PDE11A: variants seen among roughly 807,000 people sequenced by gnomAD.
PDE11A encodes dual 3',5'-cyclic-AMP and -GMP phosphodiesterase 11A.
A neutral mutation model predicts 100.5 loss-of-function variants in PDE11A; 100 were observed. That is an observed-to-expected ratio of 1.00 (90% CI 0.85 to 1.18). The LOEUF is 1.18. Ranked by LOEUF, PDE11A falls within the 50% of genes most tolerant of loss-of-function variation. PDE11A has a pLI of 0.00. For missense variants in PDE11A, 1,141 were observed against 1,152.6 expected, an observed-to-expected ratio of 0.99 and a Z score of 0.15; for synonymous variants, 381 against 420.8, an observed-to-expected ratio of 0.91 and a Z score of 1.16.
intron 2 of PDE11A, among the ~76,000 whole-genome samples, chr2:177,951,086 A>G (rs576192343): frequency 4.0e-4 from 61 of 152,380 alleles, no homozygotes; most frequent in Non-Finnish European, 6.6e-4. Flanking sequence ...CCTGTTGTGA[A>G]TCTTTTATGT....
At chr2:178,007,501 A>T (rs7588973) in intron 2 of PDE11A, among the ~76,000 whole-genome samples, 1 of 151,972 alleles carries the variant, frequency 6.6e-6, no homozygotes, top group Non-Finnish European at 1.5e-5. Flanking sequence ...CCTGGGTAAC[A>T]GCTTTTAAAA....
At chr2:177,676,560 G>A (rs1423680813) in intron 16 of PDE11A, among the ~76,000 whole-genome samples, 5 of 152,062 alleles carry the variant, frequency 3.3e-5, no homozygotes, top group Non-Finnish European at 5.9e-5. Context: ...CCCCTCCAGG[G>A]AACAAGGCAG....
At chr2:177,780,583 T>C (rs558222353) in intron 9 of PDE11A, among the ~76,000 whole-genome samples, 15 of 152,342 alleles carry the variant, frequency 9.8e-5, no homozygotes, top group African/African-American at 3.4e-4. Context: ...TTTGTCTGCA[T>C]TGAAAATCTG....
intron 12 of PDE11A, among the ~76,000 whole-genome samples, chr2:177,724,780 A>T (rs2081576085): frequency 6.6e-6 from 1 of 151,390 alleles, no homozygotes; most frequent in Non-Finnish European, 1.5e-5. Context: ...AGAAGAAAAG[A>T]AGCACTTTCA....
chr2:177,634,683 C>T (rs955998606), intron 19 of PDE11A, among the ~76,000 whole-genome samples: 1 of 152,114 alleles, frequency 6.6e-6, no homozygotes, highest in African/African-American at 2.4e-5. Flanking sequence ...CCACCGCGCC[C>T]GGCCGACTTA....
At chr2:177,770,311 C>T (rs1410317233) in intron 9 of PDE11A, among the ~76,000 whole-genome samples, 1 of 152,198 alleles carries the variant, frequency 6.6e-6, no homozygotes, top group African/African-American at 2.4e-5. Context: ...TCAGTCTGAG[C>T]CCCCAAATAA....
intron 3 of PDE11A, among the ~76,000 whole-genome samples, chr2:177,900,342 A>G (rs1387781324): frequency 1.3e-5 from 2 of 152,258 alleles, no homozygotes; most frequent in Admixed American, 1.3e-4. Context: ...ACATCTATTC[A>G]TCATGGTGCT....
At chr2:177,896,915 G>A (rs1451657632) in intron 4 of PDE11A, among the ~76,000 whole-genome samples, 3 of 152,112 alleles carry the variant, frequency 2.0e-5, no homozygotes, top group African/African-American at 2.4e-5. Context: ...TGTGTAAACC[G>A]CACTGACTGA....
At chr2:177,965,036 AT>A (rs2085681570) in intron 2 of PDE11A, among the ~76,000 whole-genome samples, 1 of 152,050 alleles carries the variant, frequency 6.6e-6, no homozygotes, top group Non-Finnish European at 1.5e-5. Flanking sequence ...AGCATCTGTT[AT>A]TTTTTGATGT....
chr2:177,852,703 G>A (rs917047894), intron 5 of PDE11A, among the ~76,000 whole-genome samples: 1 of 152,116 alleles, frequency 6.6e-6, no homozygotes, highest in African/African-American at 2.4e-5. Context: ...GAAGGTTATT[G>A]AACAAGTCTT....
rs2084386346 is a variant in PDE11A at position 177,883,885 on chromosome 2, A to C, written c.1303-7962T>G. Among the ~76,000 whole-genome samples the C allele has an allele frequency of 3.9e-5, 6 of 152,164 alleles. No homozygotes were observed. In the South Asian group the frequency reaches 1.2e-3, roughly 32 times the overall value. On this transcript the variant is annotated intron_variant, in intron 4 of 19. Transcript: ENST00000286063. ...AGGTGATTTTGATATCCATGTGAAG[A>C]GAAGCCATGGAAAGATCTAGCCACC...
chr2:177,774,454 C>A (rs1177183344), intron 9 of PDE11A, among the ~76,000 whole-genome samples: 2 of 152,174 alleles, frequency 1.3e-5, no homozygotes, highest in African/African-American at 4.8e-5. Context: ...CTTGGGAGAG[C>A]ACTCACTCCT....
chr2:178,008,467 G>A (rs1302658127), intron 2 of PDE11A, among the ~76,000 whole-genome samples: 1 of 152,142 alleles, frequency 6.6e-6, no homozygotes, highest in East Asian at 1.9e-4. Context: ...ACATGTGTGA[G>A]CTGCATTCAG....
intron 9 of PDE11A, among the ~76,000 whole-genome samples, chr2:177,794,701 C>A (rs902520675): frequency 1.3e-5 from 2 of 152,110 alleles, no homozygotes; most frequent in African/African-American, 4.8e-5. Context: ...CCACCCCTAC[C>A]CCTACACCGA....
At chr2:177,880,568 T>G (rs2084314524) in intron 4 of PDE11A, among the ~76,000 whole-genome samples, 1 of 152,216 alleles carries the variant, frequency 6.6e-6, no homozygotes, top group African/African-American at 2.4e-5. Context: ...ACTGTGAGTG[T>G]AACAGCTTTC....
At chr2:177,963,813 A>G (rs1337102066) in intron 2 of PDE11A, among the ~76,000 whole-genome samples, 1 of 152,154 alleles carries the variant, frequency 6.6e-6, no homozygotes, top group African/African-American at 2.4e-5. Context: ...TCATTTTGTA[A>G]CCCAAGCTGG....
At chr2:178,023,065 T>C (rs2086434249) in intron 1 of PDE11A, among the ~76,000 whole-genome samples, 1 of 152,230 alleles carries the variant, frequency 6.6e-6, no homozygotes, top group Non-Finnish European at 1.5e-5. Flanking sequence ...CAATTTTTAC[T>C]TCTCAGTGAA....
intron 1 of PDE11A, among the ~76,000 whole-genome samples, chr2:178,023,466 G>A (rs1303858466): frequency 6.6e-6 from 1 of 152,132 alleles, no homozygotes; most frequent in African/African-American, 2.4e-5. Context: ...TGGCAAAGAT[G>A]GGTTGCCTAA....
chr2:178,008,989 G>A (rs1464264917), intron 2 of PDE11A, among the ~76,000 whole-genome samples: 1 of 152,168 alleles, frequency 6.6e-6, no homozygotes, highest in Non-Finnish European at 1.5e-5. Context: ...CTGTTGGAAA[G>A]TACCTGCAAT....
Sources: allele counts gnomAD v4.1 joint callset (sites outside exome capture counted in the v4.1 genomes callset), GRCh38; gene constraint gnomAD v4.1.1; transcripts MANE v1.5; gene names NCBI Gene and HGNC (gene_info 2026-07-23, HGNC 2026-07-21).